PTPRT: variants seen among roughly 807,000 people sequenced by gnomAD.
The protein encoded by PTPRT is receptor-type tyrosine-protein phosphatase T.
A neutral mutation model predicts 176.8 loss-of-function variants in PTPRT; 56 were observed. The observed-to-expected ratio is 0.32, with a 90% CI of 0.26 to 0.40. The LOEUF (loss-of-function observed/expected upper bound fraction) is 0.40. Ranked by LOEUF, PTPRT falls within the 10% of genes least tolerant of loss-of-function variation. The pLI, the probability that PTPRT is intolerant of heterozygous loss-of-function variation, is 1.00. For synonymous variants in PTPRT, 783 were observed against 739.0 expected (o/e 1.06, Z -0.96); for missense variants, 1,540 against 1,908.2 (o/e 0.81, Z 3.60).
chr20:42,687,645 A>G (rs920980323), intron 6 of PTPRT: 3 of 152,238 alleles, frequency 2.0e-5, no homozygotes, highest in Non-Finnish European at 4.4e-5. Flanking sequence ...ATCAAAGGCC[A>G]TGCTTCAGGA....
At chr20:42,189,133 G>T (rs1389787975) in intron 16 of PTPRT, among the ~76,000 whole-genome samples, 5 of 151,790 alleles carry the variant, frequency 3.3e-5, no homozygotes, top group Non-Finnish European at 7.4e-5. Flanking sequence ...TTCGTCTCTG[G>T]CCATACATTC....
rs376604924 is a variant in PTPRT, at chr20:42,352,296, A to T, written c.1561-11T>A. On this transcript the variant is annotated splice_polypyrimidine_tract_variant and intron_variant, in intron 9 of 30. Transcript: ENST00000373187. The stretch of plus-strand genomic sequence containing the variant: ...AGCCTTGTAGTTGATCTGTAGGACA[A>T]GCCAGCAAACAAACAAACAAATAAA... 4.2e-5 allele frequency: 67 copies of T among 1,613,962 alleles called. No individual in the cohort carries two copies. The African/African-American group carries it at 8.8e-4, about 21-fold the overall frequency.
chr20:42,447,564 T>A (rs141789150), intron 9 of PTPRT, among the ~76,000 whole-genome samples: 2 of 152,174 alleles, frequency 1.3e-5, no homozygotes, highest in Non-Finnish European at 2.9e-5. Context: ...TGTTGGAGAT[T>A]TTTTTGTTTT....
chr20:42,822,140 G>A (rs2077905745), intron 2 of PTPRT, among the ~76,000 whole-genome samples: 1 of 152,122 alleles, frequency 6.6e-6, no homozygotes. Context: ...CAAACTACTT[G>A]ACTTTAAACT....
intron 1 of PTPRT, among the ~76,000 whole-genome samples, chr20:43,137,751 C>T (rs1400448144): frequency 6.6e-6 from 1 of 152,194 alleles, no homozygotes; most frequent in Non-Finnish European, 1.5e-5. Flanking sequence ...ACCCTGCCAA[C>T]ACATGCACAC....
At chr20:42,695,884 A>T (rs2075866185) in intron 6 of PTPRT, among the ~76,000 whole-genome samples, 1 of 152,210 alleles carries the variant, frequency 6.6e-6, no homozygotes, top group South Asian at 2.1e-4. Context: ...CTGTGGTGAT[A>T]TTTAAAGACC....
chr20:42,576,926 A>G (rs2073271880), intron 7 of PTPRT, among the ~76,000 whole-genome samples: 1 of 152,206 alleles, frequency 6.6e-6, no homozygotes, highest in African/African-American at 2.4e-5. Context: ...CCTTACCGTC[A>G]GATGAGGAAG....
chr20:43,137,533 G>T (rs1430613876), intron 1 of PTPRT, among the ~76,000 whole-genome samples: 1 of 152,190 alleles, frequency 6.6e-6, no homozygotes, highest in Non-Finnish European at 1.5e-5. Context: ...ACAGGAAGAT[G>T]GATGGGAAAG....
At chr20:42,149,136 T>C (rs750341317) in intron 17 of PTPRT, among the ~76,000 whole-genome samples, 9 of 152,200 alleles carry the variant, frequency 5.9e-5, no homozygotes, top group Non-Finnish European at 1.0e-4. Context: ...CTCTGGCCAA[T>C]ACATTTCAGC....
intron 17 of PTPRT, among the ~76,000 whole-genome samples, chr20:42,143,166 A>G (rs1282255124): frequency 6.6e-6 from 1 of 152,156 alleles, no homozygotes; most frequent in African/African-American, 2.4e-5. Flanking sequence ...TGGGCAGGGG[A>G]ATCATCTGAT....
chr20:43,134,903 C>T (rs1439667852), intron 1 of PTPRT, among the ~76,000 whole-genome samples: 7 of 152,154 alleles, frequency 4.6e-5, no homozygotes, highest in South Asian at 2.1e-4. Flanking sequence ...AATTCTTTGA[C>T]GTAGAGGACT....
chr20:42,625,237 A>G (rs1350478856), intron 7 of PTPRT, among the ~76,000 whole-genome samples: 1 of 152,116 alleles, frequency 6.6e-6, no homozygotes, highest in Non-Finnish European at 1.5e-5. Flanking sequence ...GGTCCTGGAG[A>G]AGATGTTTAA....
At chr20:42,050,837 C>T in the PTPRT span, among the ~76,000 whole-genome samples, 1 of 152,110 alleles carries the variant, frequency 6.6e-6, no homozygotes, top group African/African-American at 2.4e-5. Context: ...AGTCACTGTG[C>T]CCCTGAGAGG....
intron 16 of PTPRT, among the ~76,000 whole-genome samples, chr20:42,179,844 G>C (rs576713182): frequency 8.5e-5 from 13 of 152,162 alleles, no homozygotes; most frequent in Non-Finnish European, 1.5e-4. Flanking sequence ...TGATAGTATG[G>C]GTGACTAGCC....
At chr20:42,589,210 T>C (rs2073526046) in intron 7 of PTPRT, among the ~76,000 whole-genome samples, 1 of 152,190 alleles carries the variant, frequency 6.6e-6, no homozygotes, top group African/African-American at 2.4e-5. Flanking sequence ...TGGTTGGCAC[T>C]CAACAGGGTC....
At chr20:42,296,278 T>A (rs757846161) in intron 12 of PTPRT, among the ~76,000 whole-genome samples, 51 of 152,058 alleles carry the variant, frequency 3.4e-4, no homozygotes, top group Non-Finnish European at 5.9e-4. Flanking sequence ...AAACCCCGTC[T>A]TTACTAAAAA....
intron 1 of PTPRT, among the ~76,000 whole-genome samples, chr20:43,008,835 A>G (rs1984985421): frequency 6.6e-6 from 1 of 152,196 alleles, no homozygotes. Flanking sequence ...AAGAAAGTCT[A>G]ATGACTCTCT....
At chr20:43,046,294 A>T (rs1264128881) in intron 1 of PTPRT, among the ~76,000 whole-genome samples, 1 of 152,134 alleles carries the variant, frequency 6.6e-6, no homozygotes, top group Admixed American at 6.6e-5. Flanking sequence ...TACTGAGGCC[A>T]GGCGCGGTGG....
chr20:43,083,782 C>T lies in PTPRT; in HGVS notation c.88+105864G>A, dbSNP rs180712997. Among the ~76,000 whole-genome samples the T allele has an allele frequency of 1.9e-3, 283 of 152,262 alleles. 1 individual carries two copies. The highest frequency in any genetic ancestry group is 6.6e-3 in the African/African-American group (274 of 41,542). ...ATCCTTCATGCCTGTTCACAGTCAT[C>T]CCTGTTCACAGCCATCCCTGTTCCC... is the stretch of plus-strand genomic sequence containing the variant. On this transcript the variant is annotated intron_variant, in intron 1 of 30. Coordinates refer to ENST00000373187, the MANE Select transcript of PTPRT (RefSeq NM_007050.6).
Sources: gnomAD v4.1 joint callset for allele counts (sites outside exome capture counted in the v4.1 genomes callset) on GRCh38, gnomAD v4.1.1 for gene constraint, MANE v1.5 for transcripts, NCBI Gene and HGNC (gene_info 2026-07-23, HGNC 2026-07-21) for gene names.